Variants in S100A7 observed in about 807,000 individuals in gnomAD.
S100A7 encodes the protein protein S100-A7.
S100A7 carries 2 observed loss-of-function variants against 3.8 expected under a neutral mutation model. The observed-to-expected ratio is 0.53, with a 90% CI of 0.22 to 1.67. The LOEUF (loss-of-function observed/expected upper bound fraction) is 1.67. Ranked by LOEUF, S100A7 falls within the 40% of genes most tolerant of loss-of-function variation. S100A7 has a pLI of 0.20. For synonymous variants in S100A7, 55 were observed against 45.9 expected (o/e 1.20, Z -0.80); for missense variants, 130 against 126.3 (o/e 1.03, Z -0.14).
chr1:153,460,168 G>A (rs1383610562), intron 1 of S100A7, among the ~76,000 whole-genome samples: 1 of 152,220 alleles, frequency 6.6e-6, no homozygotes, highest in Non-Finnish European at 1.5e-5. Context: ...AAGCCATCTG[G>A]CCAGGGCTAT....
rs1420634298 is a variant in S100A7 at position 153,457,746 on chromosome 1, T to G, written c.*60A>C. ...AGAAGAAGAAAATAAGGCAAGTGTC[T>G]GGTGGGAGAAGACATTTTATTGTTC... On this transcript the variant is annotated 3_prime_UTR_variant, in exon 3 of 3. Coordinates refer to ENST00000368723, the MANE Select transcript of S100A7 (RefSeq NM_002963.4). 2.4e-5 allele frequency: 38 copies of G among 1,565,402 alleles called. No homozygotes were observed. Among genetic ancestry groups the G allele is most frequent in the Non-Finnish European group, 3.0e-5 (35 of 1,152,956 alleles).
At chr1:153,460,243 GCCCTCCA>G (rs757692035) in intron 1 of S100A7, among the ~76,000 whole-genome samples, 6 of 152,318 alleles carry the variant, frequency 3.9e-5, no homozygotes, top group Non-Finnish European at 7.4e-5. Context: ...GGGACCCCTA[GCCCTCCA>G]CCCTCTGTGG....
intron 1 of S100A7, among the ~76,000 whole-genome samples, chr1:153,460,226 T>G (rs771261039): frequency 6.6e-6 from 1 of 152,128 alleles, no homozygotes; most frequent in Non-Finnish European, 1.5e-5. Flanking sequence ...CTCCAAAGCA[T>G]TCACAGGGGA....
At chr1:153,459,578 C>G (rs899340035) in intron 1 of S100A7, among the ~76,000 whole-genome samples, 1 of 152,128 alleles carries the variant, frequency 6.6e-6, no homozygotes. Flanking sequence ...CACATGTGAG[C>G]GTGGACGTGA....
At chr1:153,459,661 G>A (rs1663780333) in intron 1 of S100A7, among the ~76,000 whole-genome samples, 1 of 152,216 alleles carries the variant, frequency 6.6e-6, no homozygotes, top group South Asian at 2.1e-4. Context: ...ACGAGAAACA[G>A]GAATGGCCTC....
intron 2 of S100A7, 133 bp from the exon 3 acceptor site, chr1:153,458,103 AG>A: frequency 2.0e-6 from 2 of 1,008,932 alleles, no homozygotes; most frequent in South Asian, 1.6e-5. Flanking sequence ...CTGAGAGCAC[AG>A]GGTGAGTGGG....
chr1:153,457,792 T>C lies in S100A7; in HGVS notation c.*14A>G, dbSNP rs1367433341. The C allele has an allele frequency of 6.2e-7, 1 of 1,613,146 alleles. No homozygotes were observed. Among genetic ancestry groups the C allele is most frequent in the Admixed American group, 1.7e-5 (1 of 59,886 alleles). On this transcript the variant is annotated 3_prime_UTR_variant, in exon 3 of 3. Transcript: ENST00000368723. ...TGTTCCTGGGGTCTCTGGAGGCCCA[T>C]TGGTGGGGCTGGGTCACTGGCTGCC...
chr1:153,457,961 C>T lies in S100A7; in HGVS notation c.151G>A (p.Gly51Ser). Residue 51 changes from glycine (G) to serine (S), a missense_variant, in exon 3 of 3, where the codon GGC becomes AGC. Transcript: ENST00000368723. Reference protein sequence around the residue: ...PNFLSACDKKGTNYLADVFEK... With the variant: ...PNFLSACDKKSTNYLADVFEK... ...AAGACATCGGCGAGGTAATTTGTGC[C>T]CTTTTTGTCCTGTGAAGAGAAAAAC... 1 of 1,613,878 alleles carries T rather than the reference C, an allele frequency of 6.2e-7. No homozygotes were observed. The highest frequency in any genetic ancestry group is 8.5e-7 in the Non-Finnish European group (1 of 1,179,886).
Position 153,457,986 on chromosome 1 carries a change from C to T in S100A7, c.142-16G>A, listed in dbSNP as rs1249054687. ...CCTTTTTGTCCTGTGAAGAGAAAAA[C>T]ATACAAAATAGAAAAATTCAATCAC... On this transcript the variant is annotated splice_polypyrimidine_tract_variant and intron_variant, in intron 2 of 2. Transcript: ENST00000368723. 1 of 1,611,408 alleles carries T rather than the reference C, an allele frequency of 6.2e-7. No individual in the cohort carries two copies. Among genetic ancestry groups the T allele is most frequent in the Admixed American group, 1.7e-5 (1 of 59,724 alleles).
At chr1:153,459,358 C>T (rs1471019037) in intron 1 of S100A7, among the ~76,000 whole-genome samples, 1 of 152,226 alleles carries the variant, frequency 6.6e-6, no homozygotes, top group Non-Finnish European at 1.5e-5. Context: ...ACCCCAGCCT[C>T]AGCCAGCACA....
chr1:153,457,987 A>G lies in S100A7; in HGVS notation c.142-17T>C. On this transcript the variant is annotated splice_polypyrimidine_tract_variant and intron_variant, in intron 2 of 2. Transcript: ENST00000368723. ...CTTTTTGTCCTGTGAAGAGAAAAACATACAAAATAGAAAAATTCAATCACA... is the reference window on the plus strand; with the variant it reads ...CTTTTTGTCCTGTGAAGAGAAAAACGTACAAAATAGAAAAATTCAATCACA... The G allele has an allele frequency of 1.2e-6, 2 of 1,611,604 alleles. No homozygotes were observed. Among genetic ancestry groups the G allele is most frequent in the Non-Finnish European group, 1.7e-6 (2 of 1,178,328 alleles).
At chr1:153,459,423 C>T (rs754815551) in intron 1 of S100A7, among the ~76,000 whole-genome samples, 1 of 152,186 alleles carries the variant, frequency 6.6e-6, no homozygotes, top group African/African-American at 2.4e-5. Flanking sequence ...GCTTCACAGT[C>T]GGGGTGACAG....
chr1:153,460,468 A>G (rs1663802050), intron 1 of S100A7, 140 bp downstream of exon 1: 1 of 592,438 alleles, frequency 1.7e-6, no homozygotes, highest in Non-Finnish European at 3.1e-6. Context: ...AGTGAAGGTC[A>G]CACAGCCCAG....
chr1:153,458,721 T>C, intron 2 of S100A7, 152 bp downstream of exon 2: 2 of 841,046 alleles, frequency 2.4e-6, no homozygotes, highest in South Asian at 1.8e-5. Flanking sequence ...TTTCATACTT[T>C]TTTGCCTACC....
rs1663726733 is a variant in S100A7 at position 153,457,879 on chromosome 1, A to G, written c.233T>C (p.Leu78Ser). ...KKIDFSEFLS[L>S]LGDIATDYHK... is the part of the protein sequence containing the mutation. ...GTAGTCTGTGGCTATGTCTCCCAGC[A>G]AGGACAGAAACTCAGAAAAATCAAT... The change falls in exon 3 of 3, where the codon TTG becomes TCG. Residue 78 changes from leucine (L) to serine (S), a missense_variant. Physicochemically the swap from Leu to Ser is moderately radical, Grantham distance 145. Coordinates refer to ENST00000368723, the MANE Select transcript of S100A7 (RefSeq NM_002963.4). 6.2e-7 allele frequency: 1 copy of G among 1,614,222 alleles called. No individual in the cohort carries two copies.
chr1:153,460,161 C>G (rs1312800592), intron 1 of S100A7, among the ~76,000 whole-genome samples: 2 of 152,200 alleles, frequency 1.3e-5, no homozygotes, highest in Non-Finnish European at 2.9e-5. Flanking sequence ...TAGGGGCAAG[C>G]CATCTGGCCA....
At chr1:153,458,270 C>T (rs1016892365) in intron 2 of S100A7, among the ~76,000 whole-genome samples, 2 of 152,140 alleles carry the variant, frequency 1.3e-5, no homozygotes, top group African/African-American at 4.8e-5. Context: ...TCTTTCCCGT[C>T]CCAGCCTCTA....
rs764425513 is a variant in S100A7 at position 153,457,767 on chromosome 1, T to G, written c.*39A>C. The G allele has an allele frequency of 3.2e-5, 50 of 1,581,674 alleles. No individual in the cohort carries two copies. Among genetic ancestry groups the G allele is most frequent in the Non-Finnish European group, 4.2e-5 (49 of 1,164,046 alleles). On this transcript the variant is annotated 3_prime_UTR_variant, in exon 3 of 3. Transcript: ENST00000368723. ...TGTCTGGTGGGAGAAGACATTTTAT[T>G]GTTCCTGGGGTCTCTGGAGGCCCAT...
chr1:153,460,025 C>T (rs540521144), intron 1 of S100A7, among the ~76,000 whole-genome samples: 2 of 152,354 alleles, frequency 1.3e-5, no homozygotes, highest in East Asian at 1.9e-4. Context: ...TAAGAGGAGC[C>T]ACCCAGAGCT....
Sources: gnomAD v4.1 joint callset for allele counts (sites outside exome capture counted in the v4.1 genomes callset) on GRCh38, gnomAD v4.1.1 for gene constraint, MANE v1.5 for transcripts, NCBI Gene and HGNC (gene_info 2026-07-23, HGNC 2026-07-21) for gene names.